SBNO1: variants seen among roughly 807,000 people sequenced by gnomAD.
SBNO1 encodes protein strawberry notch homolog 1.
A neutral mutation model predicts 173.6 loss-of-function variants in SBNO1; 23 were observed. The observed-to-expected ratio is 0.13, with a 90% CI of 0.10 to 0.19. The LOEUF is 0.19. Among genes scored for constraint, SBNO1 ranks in the 10% least tolerant of loss-of-function variants. The pLI, the probability that SBNO1 is intolerant of heterozygous loss-of-function variation, is 1.00. For missense variants in SBNO1, 1,238 were observed against 1,671.2 expected, an observed-to-expected ratio of 0.74 and a Z score of 4.52; for synonymous variants, 632 against 571.5, an observed-to-expected ratio of 1.11 and a Z score of -1.51.
chr12:123,300,473 C>T (rs1199321838), intron 30 of SBNO1, among the ~76,000 whole-genome samples: 4 of 151,548 alleles, frequency 2.6e-5, no homozygotes, highest in African/African-American at 4.9e-5. Flanking sequence ...ATGGCTAACA[C>T]GGTGAAACCC....
intron 30 of SBNO1, among the ~76,000 whole-genome samples, chr12:123,299,693 A>AC (rs1208922955): frequency 6.6e-6 from 1 of 150,850 alleles, no homozygotes; most frequent in African/African-American, 2.4e-5. Flanking sequence ...AAAAAAAAAA[A>AC]AAAAAACAAA....
chr12:123,344,303 G>T (rs1348803575), intron 4 of SBNO1, among the ~76,000 whole-genome samples: 1 of 152,140 alleles, frequency 6.6e-6, no homozygotes, highest in African/African-American at 2.4e-5. Context: ...CAGCTAAAAT[G>T]ATTTCCCAAC....
Position 123,350,451 on chromosome 12 carries a change from G to C in SBNO1, c.1-10C>G. 2.5e-6 allele frequency: 4 copies of C among 1,608,650 alleles called. No homozygotes were observed. The highest frequency in any genetic ancestry group is 3.4e-6 in the Non-Finnish European group (4 of 1,175,530). ...GCCCTGGCTCCACCATCTTTAAAGG[G>C]AAATATTAAATATTAACATAAAAAA... On this transcript the variant is annotated splice_polypyrimidine_tract_variant and intron_variant, in intron 1 of 31. Transcript: ENST00000602398.
intron 9 of SBNO1, among the ~76,000 whole-genome samples, chr12:123,329,733 T>C (rs1870997414): frequency 6.6e-6 from 1 of 152,144 alleles, no homozygotes; most frequent in South Asian, 2.1e-4. Context: ...CAACACTGAA[T>C]TCAACTTAGG....
Position 123,327,711 on chromosome 12 carries a change from G to T in SBNO1, c.1534C>A (p.Arg512=). 1.2e-6 allele frequency: 2 copies of T among 1,610,338 alleles called. No homozygotes were observed. The highest frequency in any genetic ancestry group is 1.7e-6 in the Non-Finnish European group (2 of 1,176,992). Residue 512 remains arginine, a synonymous_variant, in exon 12 of 32, where the codon CGG becomes AGG. Coordinates refer to ENST00000602398, the MANE Select transcript of SBNO1 (RefSeq NM_001167856.3). ...EFSDFIQAVE[R]RGVGAMEIVA... is the part of the protein sequence containing the mutation. The stretch of plus-strand genomic sequence containing the variant: ...ATATACCGTAAACTGCATTACCTCC[G>T]TTCTACTGCTTGAATAAAATCACTG...
intron 1 of SBNO1, among the ~76,000 whole-genome samples, chr12:123,363,038 AC>A (rs1306253078): frequency 6.6e-6 from 1 of 152,112 alleles, no homozygotes; most frequent in Non-Finnish European, 1.5e-5. Context: ...GTGAGCTATG[AC>A]CACGTCACTG....
chr12:123,314,269 C>T (rs911873881), intron 23 of SBNO1, among the ~76,000 whole-genome samples: 4 of 151,720 alleles, frequency 2.6e-5, no homozygotes, highest in South Asian at 2.1e-4. Context: ...TGGGTTCAAG[C>T]GGTTCTCCTG....
chr12:123,291,670 T>C lies in SBNO1; in HGVS notation c.*4238A>G, dbSNP rs1276296551. On this transcript the variant is annotated 3_prime_UTR_variant, in exon 32 of 32. Coordinates refer to ENST00000602398, the MANE Select transcript of SBNO1 (RefSeq NM_001167856.3). The stretch of plus-strand genomic sequence containing the variant: ...ACTTTTCTAAATGAAAAGTTTTCCA[T>C]ACTTTTCTTAAAAAAAAAAAAAAAA... 8.4e-6 allele frequency: 1 copy of C among 118,796 alleles called. No individual in the cohort carries two copies. The highest frequency in any genetic ancestry group is 1.7e-5 in the Non-Finnish European group (1 of 58,464). 7.4% of individuals were successfully genotyped at this position (118,796 alleles called of 1,614,324 possible).
At chr12:123,363,075 G>A (rs1396737236) in intron 1 of SBNO1, among the ~76,000 whole-genome samples, 13 of 152,042 alleles carry the variant, frequency 8.6e-5, no homozygotes, top group Admixed American at 8.5e-4. Context: ...AACAGAGTGG[G>A]ACCCTGTCTC....
rs1310359948 is a variant in SBNO1 at position 123,297,985 on chromosome 12, C to A, written c.4032G>T (p.Arg1344=). 6.2e-7 allele frequency: 1 copy of A among 1,613,566 alleles called. No individual in the cohort carries two copies. The highest frequency in any genetic ancestry group is 1.1e-5 in the South Asian group (1 of 90,858). The change falls in exon 31 of 32, where the codon CGG becomes CGT. Residue 1344 remains arginine, a synonymous_variant. Coordinates refer to ENST00000602398, the MANE Select transcript of SBNO1 (RefSeq NM_001167856.3). ...AACAAAAATTAGACTCACCTACAAT[C>A]CGTTGCCCATCTTCCGTTCTTAGCC... ...IVRLRTEDGQ[R]IVGLIIPANC...
Position 123,340,976 on chromosome 12 carries a change from T to C in SBNO1, c.651+12A>G. 1 of 1,476,550 alleles carries C rather than the reference T, an allele frequency of 6.8e-7. No individual in the cohort carries two copies. Among genetic ancestry groups the C allele is most frequent in the South Asian group, 1.2e-5 (1 of 86,370 alleles). 91.5% of individuals were successfully genotyped at this position (1,476,550 alleles called of 1,614,324 possible). A position where few individuals can be genotyped will look rare whatever the true frequency, so the allele number is the denominator to read the frequency against. ...CTACACAAAAATAAAGACACAGTTA[T>C]TTGAAACTCACCATGGTTGGGGAAA... On this transcript the variant is annotated intron_variant, in intron 5 of 31. Transcript: ENST00000602398.
At chr12:123,344,043 C>A (rs1201573743) in intron 4 of SBNO1, among the ~76,000 whole-genome samples, 1 of 152,190 alleles carries the variant, frequency 6.6e-6, no homozygotes, top group Non-Finnish European at 1.5e-5. Flanking sequence ...TCTTCCCTCA[C>A]AATGGCATAC....
chr12:123,336,582 A>G (rs1871868797), intron 5 of SBNO1, 91 bp from the exon 6 acceptor site: 3 of 748,388 alleles, frequency 4.0e-6, no homozygotes, highest in Non-Finnish European at 6.7e-6. Flanking sequence ...GAACACCTAC[A>G]AATTTCCATC....
chr12:123,307,391 G>A (rs926539662), intron 28 of SBNO1, among the ~76,000 whole-genome samples: 7 of 151,874 alleles, frequency 4.6e-5, no homozygotes, highest in Non-Finnish European at 5.9e-5. Flanking sequence ...AAACACAGAG[G>A]ACATGCAATA....
chr12:123,314,248 C>A (rs1176619809), intron 23 of SBNO1, among the ~76,000 whole-genome samples: 2 of 151,934 alleles, frequency 1.3e-5, no homozygotes, highest in African/African-American at 4.8e-5. Context: ...CTCACTGAAA[C>A]CTCCGCCTCC....
At chr12:123,328,659 C>T (rs1235218982) in intron 10 of SBNO1, 75 bp downstream of exon 10, 2 of 1,155,072 alleles carry the variant, frequency 1.7e-6, no homozygotes, top group Admixed American at 2.8e-5. Flanking sequence ...CTCAAGATTC[C>T]TGTTTCCCAA....
rs1167837750 is a variant in SBNO1, at chr12:123,294,662, GAAA to G, written c.*1243_*1245del. The G allele has an allele frequency of 4.5e-4, 38 of 83,712 alleles. No individual in the cohort carries two copies. Among genetic ancestry groups the G allele is most frequent in the African/African-American group, 1.6e-3 (34 of 21,678 alleles). The allele number at this position is 83,712 out of a possible 1,614,324, so 5.2% of individuals were successfully genotyped here. Reference sequence around the variant, plus strand: ...AAAAAAAAAAAAAAAAAAAAAAAAAGAAAAAAAGAAAAGAAAGAAAAAGAAAGA... The same window carrying G: ...AAAAAAAAAAAAAAAAAAAAAAAAAGAAAAGAAAAGAAAGAAAAAGAAAGA... On this transcript the variant is annotated 3_prime_UTR_variant, in exon 32 of 32. Transcript: ENST00000602398.
chr12:123,308,561 ACT>A (rs1305225726), intron 28 of SBNO1, among the ~76,000 whole-genome samples: 6 of 151,742 alleles, frequency 4.0e-5, no homozygotes, highest in Non-Finnish European at 8.8e-5. Flanking sequence ...AGTCCCTGCT[ACT>A]CTCGGGAGGC....
intron 5 of SBNO1, among the ~76,000 whole-genome samples, chr12:123,339,811 C>T (rs2139035464): frequency 6.6e-6 from 1 of 152,028 alleles, no homozygotes; most frequent in Non-Finnish European, 1.5e-5. Flanking sequence ...CAATAAAAAC[C>T]TCAATTCAGG....
Sources: allele counts gnomAD v4.1 joint callset (sites outside exome capture counted in the v4.1 genomes callset), GRCh38; gene constraint gnomAD v4.1.1; transcripts MANE v1.5; gene names NCBI Gene and HGNC (gene_info 2026-07-23, HGNC 2026-07-21).